Variants in KCNIP4 observed in about 807,000 individuals in gnomAD.
KCNIP4 encodes the protein potassium voltage-gated channel interacting protein 4, also known as Kv channel-interacting protein 4.
A neutral mutation model predicts 34.0 loss-of-function variants in KCNIP4; 12 were observed. That is an observed-to-expected ratio of 0.35 (90% CI 0.23 to 0.57). KCNIP4 has a LOEUF of 0.57. Ranked by LOEUF, KCNIP4 falls within the 20% of genes least tolerant of loss-of-function variation. KCNIP4 has a pLI of 0.83. For synonymous variants in KCNIP4, 124 were observed against 102.2 expected (o/e 1.21, Z -1.29); for missense variants, 238 against 311.7 (o/e 0.76, Z 1.78).
intron 1 of KCNIP4, among the ~76,000 whole-genome samples, chr4:21,881,974 A>T (rs1252794327): frequency 6.6e-6 from 1 of 152,174 alleles, no homozygotes; most frequent in Non-Finnish European, 1.5e-5. Context: ...CATGGAAAAG[A>T]TTATTTCCAC....
chr4:21,000,511 C>G (rs368529486), intron 1 of KCNIP4, among the ~76,000 whole-genome samples: 2 of 151,948 alleles, frequency 1.3e-5, no homozygotes, highest in Non-Finnish European at 1.5e-5. Flanking sequence ...ATGGTGGAAC[C>G]CTGTCTCTAC....
chr4:21,549,640 C>T (rs1738404688), intron 1 of KCNIP4, among the ~76,000 whole-genome samples: 1 of 151,998 alleles, frequency 6.6e-6, no homozygotes, highest in Non-Finnish European at 1.5e-5. Flanking sequence ...ATTACCCAGC[C>T]CCAGCAATTC....
At chr4:21,184,111 A>G (rs991371801) in intron 1 of KCNIP4, among the ~76,000 whole-genome samples, 1 of 152,144 alleles carries the variant, frequency 6.6e-6, no homozygotes, top group Non-Finnish European at 1.5e-5. Flanking sequence ...TTTGAATCCC[A>G]TCTCTATCAC....
chr4:21,258,320 T>A (rs898292335), intron 1 of KCNIP4, among the ~76,000 whole-genome samples: 10 of 152,190 alleles, frequency 6.6e-5, no homozygotes, highest in Admixed American at 1.3e-4. Flanking sequence ...GCTCAATACA[T>A]ATTTAATGAC....
At position 20,734,779 on chromosome 4, in the gene KCNIP4, A is replaced by C. The variant is rs375027078; in HGVS notation, c.430-44T>G. ...TCAATTTTATATGACATTTTTAAAAAAACAAAAACAAAAAAAACAAATGAT... is the reference window on the plus strand; with the variant it reads ...TCAATTTTATATGACATTTTTAAAACAACAAAAACAAAAAAAACAAATGAT... On this transcript the variant is annotated intron_variant, in intron 5 of 8. Coordinates refer to ENST00000382152, the MANE Select transcript of KCNIP4 (RefSeq NM_025221.6). The C allele has an allele frequency of 1.2e-4, 135 of 1,169,178 alleles. 1 individual carries two copies. The highest frequency in any genetic ancestry group is 7.9e-4 in the Middle Eastern group (4 of 5,038). 72.4% of individuals were successfully genotyped at this position (1,169,178 alleles called of 1,614,324 possible). A position where few individuals can be genotyped will look rare whatever the true frequency, so the allele number is the denominator to read the frequency against.
chr4:21,739,042 T>C (rs1716217917), intron 1 of KCNIP4, among the ~76,000 whole-genome samples: 1 of 152,164 alleles, frequency 6.6e-6, no homozygotes, highest in African/African-American at 2.4e-5. Flanking sequence ...GTTGACCCAA[T>C]TATCTTAGAC....
At chr4:20,888,432 T>C (rs1725557403) in intron 1 of KCNIP4, among the ~76,000 whole-genome samples, 1 of 152,170 alleles carries the variant, frequency 6.6e-6, no homozygotes, top group Non-Finnish European at 1.5e-5. Context: ...AATGTACATA[T>C]ATGCTTCCTC....
chr4:21,635,595 C>T (rs376666591), intron 1 of KCNIP4, among the ~76,000 whole-genome samples: 4,467 of 151,982 alleles, frequency 0.029, 107 homozygotes, highest in Admixed American at 0.048. Flanking sequence ...TGAGATACCA[C>T]CTCACACCAG....
chr4:21,306,422 G>A (rs989462064), intron 1 of KCNIP4, among the ~76,000 whole-genome samples: 2 of 152,092 alleles, frequency 1.3e-5, no homozygotes, highest in Admixed American at 6.5e-5. Flanking sequence ...TGTAGCCCAG[G>A]CTTGAGAGCA....
intron 1 of KCNIP4, among the ~76,000 whole-genome samples, chr4:21,247,836 C>T (rs1402668804): frequency 1.7e-5 from 2 of 121,094 alleles, no homozygotes; most frequent in African/African-American, 6.8e-5. Context: ...CACACACAGA[C>T]ACCACAGGTG....
intron 1 of KCNIP4, among the ~76,000 whole-genome samples, chr4:21,415,545 A>G (rs1298524074): frequency 6.6e-6 from 1 of 151,834 alleles, no homozygotes. Context: ...TACAAAAAAA[A>G]AAAAAAATTA....
intron 3 of KCNIP4, among the ~76,000 whole-genome samples, chr4:20,777,306 G>A (rs1279658615): frequency 6.6e-6 from 1 of 152,070 alleles, no homozygotes; most frequent in Non-Finnish European, 1.5e-5. Context: ...AATAGCATGG[G>A]GGCAACTGCC....
chr4:20,776,341 C>A (rs73802318), intron 3 of KCNIP4, among the ~76,000 whole-genome samples: 4,869 of 152,096 alleles, frequency 0.032, 227 homozygotes, highest in African/African-American at 0.1. Flanking sequence ...AGTTGTTAAC[C>A]TTAATGCATC....
rs181326762 is a variant in KCNIP4 at position 21,104,721 on chromosome 4, G to T, written c.62-222012C>A. On this transcript the variant is annotated intron_variant, in intron 1 of 8. Coordinates refer to ENST00000382152, the MANE Select transcript of KCNIP4 (RefSeq NM_025221.6). Reference sequence around the variant, plus strand: ...TATGTTTTCTTCTAGGGTTTTTATGGTTTTAGCTCTAACATATAAGTCTTT... The same window carrying T: ...TATGTTTTCTTCTAGGGTTTTTATGTTTTTAGCTCTAACATATAAGTCTTT... Among the ~76,000 whole-genome samples, 6 of 151,624 alleles carry T rather than the reference G, an allele frequency of 4.0e-5. 1 individual carries two copies. Among genetic ancestry groups the T allele is most frequent in the African/African-American group, 1.5e-4 (6 of 40,928 alleles).
chr4:20,735,113 A>C (rs1259057568), intron 5 of KCNIP4, among the ~76,000 whole-genome samples: 2 of 152,190 alleles, frequency 1.3e-5, no homozygotes, highest in African/African-American at 4.8e-5. Flanking sequence ...CACTTCAATG[A>C]AAAACCGTTT....
chr4:21,520,090 G>C (rs1035779651), intron 1 of KCNIP4, among the ~76,000 whole-genome samples: 2 of 151,788 alleles, frequency 1.3e-5, no homozygotes, highest in Non-Finnish European at 2.9e-5. Flanking sequence ...CTCCTTTCAC[G>C]TTTTTCGGCC....
intron 1 of KCNIP4, among the ~76,000 whole-genome samples, chr4:21,223,630 A>G (rs1408030610): frequency 6.6e-6 from 1 of 152,242 alleles, no homozygotes; most frequent in Non-Finnish European, 1.5e-5. Context: ...GGTATGTCCC[A>G]TGTTATCAAT....
chr4:21,513,238 C>T (rs1471949888), intron 1 of KCNIP4, among the ~76,000 whole-genome samples: 1 of 152,172 alleles, frequency 6.6e-6, no homozygotes, highest in Non-Finnish European at 1.5e-5. Context: ...GAGAACAAAT[C>T]CATCTACCTC....
chr4:20,861,698 A>G (rs2149495332), intron 2 of KCNIP4, among the ~76,000 whole-genome samples: 1 of 152,276 alleles, frequency 6.6e-6, no homozygotes, highest in East Asian at 1.9e-4. Flanking sequence ...CTTGTTGGCA[A>G]TGACATTGCA....
Sources: allele counts gnomAD v4.1 joint callset (sites outside exome capture counted in the v4.1 genomes callset), GRCh38; gene constraint gnomAD v4.1.1; transcripts MANE v1.5; gene names NCBI Gene and HGNC (gene_info 2026-07-23, HGNC 2026-07-21).